Variants in CHSY1 observed in about 807,000 individuals in gnomAD.
CHSY1 encodes the protein chondroitin sulfate synthase 1.
A neutral mutation model predicts 59.8 loss-of-function variants in CHSY1; 13 were observed. The observed-to-expected ratio is 0.22, with a 90% CI of 0.14 to 0.35. CHSY1 has a LOEUF of 0.35. Ranked by LOEUF, CHSY1 falls within the 10% of genes least tolerant of loss-of-function variation. The pLI is 1.00. For synonymous variants in CHSY1, 459 were observed against 401.2 expected (o/e 1.14, Z -1.72); for missense variants, 947 against 1,030.6 (o/e 0.92, Z 1.11).
intron 2 of CHSY1, among the ~76,000 whole-genome samples, chr15:101,188,523 T>C (rs1313257251): frequency 6.6e-6 from 1 of 152,094 alleles, no homozygotes; most frequent in Non-Finnish European, 1.5e-5. Context: ...TTCATCTAAT[T>C]AAGTTCAAGG....
At chr15:101,236,997 A>G (rs1012442114) in intron 1 of CHSY1, among the ~76,000 whole-genome samples, 9 of 151,900 alleles carry the variant, frequency 5.9e-5, no homozygotes, top group African/African-American at 2.2e-4. Flanking sequence ...AGGCAGGCAG[A>G]TCACAAGGTC....
At chr15:101,196,457 C>G (rs1181725761) in intron 2 of CHSY1, among the ~76,000 whole-genome samples, 1 of 152,028 alleles carries the variant, frequency 6.6e-6, no homozygotes, top group Non-Finnish European at 1.5e-5. Context: ...CAGGAAAACT[C>G]AGAGAGGTAA....
intron 2 of CHSY1, among the ~76,000 whole-genome samples, chr15:101,207,744 C>T (rs1372266018): frequency 2.6e-5 from 4 of 152,324 alleles, no homozygotes; most frequent in East Asian, 3.9e-4. Flanking sequence ...ATGAGGGCTG[C>T]GTTGCCATGT....
intron 1 of CHSY1, among the ~76,000 whole-genome samples, chr15:101,248,624 GA>G (rs199780938): frequency 6.7e-6 from 1 of 149,994 alleles, no homozygotes; most frequent in East Asian, 1.9e-4. Flanking sequence ...CTAACCACCT[GA>G]AAAAAAAATA....
chr15:101,231,110 T>C (rs952230886), intron 2 of CHSY1, among the ~76,000 whole-genome samples: 2 of 152,070 alleles, frequency 1.3e-5, no homozygotes, highest in Admixed American at 6.5e-5. Context: ...AGCTAGGGAT[T>C]GGGGTAACAG....
intron 1 of CHSY1, among the ~76,000 whole-genome samples, chr15:101,248,956 T>C (rs1056133907): frequency 1.5e-5 from 2 of 130,422 alleles, no homozygotes; most frequent in Non-Finnish European, 3.0e-5. Flanking sequence ...CTGGCTAATT[T>C]TTTTTTTTTT....
rs557718040 is a variant in CHSY1 at position 101,231,436 on chromosome 15, G to A, written c.816+3646C>T. The stretch of plus-strand genomic sequence containing the variant: ...AATTCACAGCGGAAGCCCAGGGGCC[G>A]GAGGCAGAGGAAGGAAGACGTATTC... On this transcript the variant is annotated intron_variant, in intron 2 of 2. Coordinates refer to ENST00000254190, the MANE Select transcript of CHSY1 (RefSeq NM_014918.5). Among the ~76,000 whole-genome samples, 13 of 152,314 alleles carry A rather than the reference G, an allele frequency of 8.5e-5. No individual in the cohort carries two copies. In the South Asian group the frequency reaches 1.9e-3, roughly 22 times the overall value.
At chr15:101,233,506 G>A (rs1207870109) in intron 2 of CHSY1, among the ~76,000 whole-genome samples, 1 of 152,166 alleles carries the variant, frequency 6.6e-6, no homozygotes, top group Non-Finnish European at 1.5e-5. Flanking sequence ...TTAGGATGGG[G>A]AAAAATGCAG....
At chr15:101,203,207 G>T (rs1299847153) in intron 2 of CHSY1, among the ~76,000 whole-genome samples, 1 of 152,154 alleles carries the variant, frequency 6.6e-6, no homozygotes, top group East Asian at 1.9e-4. Flanking sequence ...GAGTATAAAG[G>T]CAGCGTGGGC....
At chr15:101,227,362 T>C (rs956388321) in intron 2 of CHSY1, among the ~76,000 whole-genome samples, 4 of 152,130 alleles carry the variant, frequency 2.6e-5, no homozygotes, top group African/African-American at 4.8e-5. Flanking sequence ...ATTTTCCTAT[T>C]GCAAACACCT....
chr15:101,178,778 A>G lies in CHSY1; in HGVS notation c.1019T>C (p.Leu340Pro), dbSNP rs2038234043. The G allele has an allele frequency of 6.2e-7, 1 of 1,614,210 alleles. No homozygotes were observed. The highest frequency in any genetic ancestry group is 8.5e-7 in the Non-Finnish European group (1 of 1,180,040). Residue 340 changes from leucine (L) to proline (P), a missense_variant, in exon 3 of 3, where the codon CTG (leucine) becomes CCG (proline). Around this residue, in one of 4 missense-constraint regions of CHSY1, gnomAD observed 602 missense variants for 676.9 expected, o/e 0.89. Coordinates refer to ENST00000254190, the MANE Select transcript of CHSY1 (RefSeq NM_014918.5). The stretch of plus-strand genomic sequence containing the variant: ...TTCTGTGTTGCTGTATTTGCTCATC[A>G]GGACAATTTCGCGGTGCAGCTGTAT... ...RTIQLHREIV[L>P]MSKYSNTEIH... is the part of the protein sequence containing the mutation.
chr15:101,209,040 C>T (rs1471971795), intron 2 of CHSY1, among the ~76,000 whole-genome samples: 1 of 152,102 alleles, frequency 6.6e-6, no homozygotes, highest in East Asian at 1.9e-4. Context: ...TGATGAGGAA[C>T]AGGATATTTA....
intron 1 of CHSY1, among the ~76,000 whole-genome samples, chr15:101,236,715 C>G (rs1201369492): frequency 6.6e-6 from 1 of 152,102 alleles, no homozygotes; most frequent in Non-Finnish European, 1.5e-5. Flanking sequence ...GTCCCAGCTA[C>G]TAGCGAGGCT....
intron 1 of CHSY1, among the ~76,000 whole-genome samples, chr15:101,241,782 T>G (rs2039004291): frequency 6.6e-6 from 1 of 152,136 alleles, no homozygotes; most frequent in Non-Finnish European, 1.5e-5. Context: ...GGATATGGGT[T>G]TTTCTCTCTG....
chr15:101,231,894 C>T (rs1311121437), intron 2 of CHSY1, among the ~76,000 whole-genome samples: 2 of 152,228 alleles, frequency 1.3e-5, no homozygotes, highest in African/African-American at 4.8e-5. Flanking sequence ...GTCAATATTG[C>T]TGACACCATG....
chr15:101,208,667 C>A (rs1334823792), intron 2 of CHSY1, among the ~76,000 whole-genome samples: 1 of 145,470 alleles, frequency 6.9e-6, no homozygotes, highest in Admixed American at 7.1e-5. Flanking sequence ...GAACCGAGAT[C>A]GTGCCACTGC....
intron 2 of CHSY1, among the ~76,000 whole-genome samples, chr15:101,213,608 T>C (rs1028525529): frequency 6.6e-6 from 1 of 152,222 alleles, no homozygotes; most frequent in Admixed American, 6.5e-5. Flanking sequence ...GTTTATCAAA[T>C]GTATTCCACA....
chr15:101,189,811 G>A (rs2038421938), intron 2 of CHSY1, among the ~76,000 whole-genome samples: 2 of 152,212 alleles, frequency 1.3e-5, no homozygotes, highest in Admixed American at 1.3e-4. Context: ...CCCCACCACC[G>A]CCTAAAGACT....
Position 101,204,435 on chromosome 15 carries a change from A to AAATAATAATAATAAT in CHSY1, c.817-25470_817-25456dup, listed in dbSNP as rs56793692. Reference sequence around the variant, plus strand: ...GGCAGTAAGAGCGAAACTCCATCTCAAATAATAATAATAATAATAATAATA... The same window carrying AAATAATAATAATAAT: ...GGCAGTAAGAGCGAAACTCCATCTCAAATAATAATAATAATAATAATAATAATAATAATAATAATA... On this transcript the variant is annotated intron_variant, in intron 2 of 2. Transcript: ENST00000254190. Among the ~76,000 whole-genome samples the AAATAATAATAATAAT allele has an allele frequency of 3.5e-5, 5 of 143,970 alleles. No homozygotes were observed. The East Asian group carries it at 6.0e-4, about 17-fold the overall frequency. 94.4% of individuals were successfully genotyped at this position (143,970 alleles called of 152,430 possible).
Sources: allele counts gnomAD v4.1 joint callset (sites outside exome capture counted in the v4.1 genomes callset), GRCh38; gene constraint gnomAD v4.1.1; regional missense constraint gnomAD v4.1.1; transcripts MANE v1.5; gene names NCBI Gene and HGNC (gene_info 2026-07-23, HGNC 2026-07-21).